RAPGEF4: variants seen among roughly 807,000 people sequenced by gnomAD.
RAPGEF4 encodes the protein Rap guanine nucleotide exchange factor 4, also known as RAP guanine-nucleotide-exchange factor (GEF) 4.
Under a neutral mutation model 147.9 loss-of-function variants are expected in RAPGEF4, and 66 were observed. The observed-to-expected ratio is 0.45, with a 90% CI of 0.37 to 0.55. The LOEUF (loss-of-function observed/expected upper bound fraction) is 0.55. Ranked by LOEUF, RAPGEF4 falls within the 20% of genes least tolerant of loss-of-function variation. The probability of loss-of-function intolerance (pLI) is 0.00; values close to 1 mark genes in which losing one functional copy is unlikely to be tolerated. For missense variants in RAPGEF4, 1,071 were observed against 1,257.3 expected (o/e 0.85, Z 2.24); for synonymous variants, 419 against 442.7 (o/e 0.95, Z 0.67).
chr2:172,990,111 T>G (rs1415924112), intron 14 of RAPGEF4, among the ~76,000 whole-genome samples: 1 of 152,092 alleles, frequency 6.6e-6, no homozygotes, highest in Admixed American at 6.5e-5. Context: ...TTGGTTCTTA[T>G]CTGACCTCTT....
chr2:172,739,734 C>T (rs1411910287), intron 1 of RAPGEF4, among the ~76,000 whole-genome samples: 1 of 152,218 alleles, frequency 6.6e-6, no homozygotes, highest in African/African-American at 2.4e-5. Context: ...CTGTGAACTT[C>T]AGATCCACTT....
chr2:172,871,663 G>A (rs996892820), intron 4 of RAPGEF4, among the ~76,000 whole-genome samples: 14 of 139,956 alleles, frequency 1.0e-4, no homozygotes, highest in Non-Finnish European at 1.7e-4. Context: ...AATTCTAAAA[G>A]AGTTACAACA....
chr2:172,823,153 T>C (rs1689266270), intron 4 of RAPGEF4, among the ~76,000 whole-genome samples: 1 of 152,184 alleles, frequency 6.6e-6, no homozygotes, highest in African/African-American at 2.4e-5. Flanking sequence ...GAGATCTGCT[T>C]CTGAATTCTT....
At chr2:172,962,051 A>G (rs1689351841) in intron 8 of RAPGEF4, among the ~76,000 whole-genome samples, 1 of 152,220 alleles carries the variant, frequency 6.6e-6, no homozygotes, top group Non-Finnish European at 1.5e-5. Flanking sequence ...ACCTTCTGGG[A>G]TGACTGAACC....
rs546926310 is a variant in RAPGEF4 at position 172,861,699 on chromosome 2, A to AT, written c.444+47278dup. ...TAATTGTTGATAGAGCAGGCATGTG[A>AT]TTTTCTATAAATACACATGAGCATT... is the stretch of plus-strand genomic sequence containing the variant. On this transcript the variant is annotated intron_variant, in intron 4 of 30. Coordinates refer to ENST00000397081, the MANE Select transcript of RAPGEF4 (RefSeq NM_007023.4). Among the ~76,000 whole-genome samples the AT allele has an allele frequency of 3.9e-5, 6 of 152,306 alleles. No individual in the cohort carries two copies. The South Asian group carries it at 1.2e-3, about 32-fold the overall frequency.
At chr2:172,928,198 T>G in intron 6 of RAPGEF4, 1 of 455,698 alleles carries the variant, frequency 2.2e-6, no homozygotes. Context: ...CTCTCCAGTC[T>G]CTGAGGAAAT....
chr2:172,754,859 G>A (rs889453337), intron 1 of RAPGEF4, among the ~76,000 whole-genome samples: 3 of 152,228 alleles, frequency 2.0e-5, no homozygotes, highest in South Asian at 2.1e-4. Context: ...TGGCTAACAC[G>A]GTGAAACCCC....
At chr2:173,049,474 T>C (rs1685930070) in intron 30 of RAPGEF4, among the ~76,000 whole-genome samples, 1 of 152,202 alleles carries the variant, frequency 6.6e-6, no homozygotes, top group South Asian at 2.1e-4. Context: ...CTCAATATGA[T>C]ACTATGACAT....
At chr2:172,824,180 G>T (rs751492371) in intron 4 of RAPGEF4, among the ~76,000 whole-genome samples, 1 of 152,226 alleles carries the variant, frequency 6.6e-6, no homozygotes, top group East Asian at 1.9e-4. Flanking sequence ...ATCATTTGTA[G>T]TTGTAGTTCT....
chr2:172,903,140 G>A (rs1699246916), intron 4 of RAPGEF4, among the ~76,000 whole-genome samples: 1 of 152,036 alleles, frequency 6.6e-6, no homozygotes, highest in South Asian at 2.1e-4. Flanking sequence ...AGGCCAAGAT[G>A]GGTGGATCAC....
At chr2:172,984,807 G>T (rs1264785487) in intron 11 of RAPGEF4, among the ~76,000 whole-genome samples, 1 of 152,116 alleles carries the variant, frequency 6.6e-6, no homozygotes, top group Admixed American at 6.5e-5. Flanking sequence ...GAGGATTGTG[G>T]GTAGTCTCGT....
intron 6 of RAPGEF4, among the ~76,000 whole-genome samples, chr2:172,935,823 C>T (rs1363120623): frequency 6.6e-6 from 1 of 152,194 alleles, no homozygotes; most frequent in Non-Finnish European, 1.5e-5. Context: ...GATGCTCCAA[C>T]AGTACATGAC....
chr2:173,020,748 G>A (rs1696009578), intron 23 of RAPGEF4, 33 bp downstream of exon 23: 1 of 1,551,884 alleles, frequency 6.4e-7, no homozygotes, highest in Non-Finnish European at 8.8e-7. Flanking sequence ...GAGCAGCATT[G>A]CAATCAGAAA....
At chr2:172,988,387 AG>A in intron 13 of RAPGEF4, 115 bp downstream of exon 13, 1 of 1,448,670 alleles carries the variant, frequency 6.9e-7, no homozygotes, top group Non-Finnish European at 9.1e-7. Context: ...TCCTAGATGT[AG>A]AAAAGACATT....
intron 10 of RAPGEF4, among the ~76,000 whole-genome samples, chr2:172,978,120 C>T (rs998157221): frequency 1.1e-4 from 16 of 152,296 alleles, no homozygotes; most frequent in African/African-American, 3.9e-4. Context: ...TCTTTCTCTG[C>T]GTGGGTTGTT....
intron 6 of RAPGEF4, among the ~76,000 whole-genome samples, chr2:172,946,612 C>G (rs1035542980): frequency 2.0e-5 from 3 of 152,198 alleles, no homozygotes; most frequent in Admixed American, 2.0e-4. Flanking sequence ...TCCATCTGCT[C>G]TCTCACTATC....
At chr2:172,874,960 C>T (rs1695716298) in intron 4 of RAPGEF4, among the ~76,000 whole-genome samples, 1 of 152,238 alleles carries the variant, frequency 6.6e-6, no homozygotes, top group African/African-American at 2.4e-5. Flanking sequence ...GAGATGGTAT[C>T]TCATTGCAGT....
Position 173,001,035 on chromosome 2 carries a change from G to A in RAPGEF4, c.1580-231G>A, listed in dbSNP as rs544706024. 2.6e-5 allele frequency among the ~76,000 whole-genome samples: 4 copies of A among 152,116 alleles called. No homozygotes were observed. In the South Asian group the frequency reaches 8.3e-4, roughly 32 times the overall value. On this transcript the variant is annotated intron_variant, in intron 16 of 30. Transcript: ENST00000397081. Reference sequence around the variant, plus strand: ...AGGTACCCAGTGCCGTTTGTACAAGGCTGTCTCTCTTTAAAATATTATACT... The same window carrying A: ...AGGTACCCAGTGCCGTTTGTACAAGACTGTCTCTCTTTAAAATATTATACT...
chr2:172,753,705 T>C (rs1342225050), intron 1 of RAPGEF4, among the ~76,000 whole-genome samples: 4 of 149,284 alleles, frequency 2.7e-5, no homozygotes, highest in Non-Finnish European at 6.0e-5. Context: ...AAAGGAAAAC[T>C]TTTTTTTTTA....
Sources: allele counts gnomAD v4.1 joint callset (sites outside exome capture counted in the v4.1 genomes callset), GRCh38; gene constraint gnomAD v4.1.1; transcripts MANE v1.5; gene names NCBI Gene and HGNC (gene_info 2026-07-23, HGNC 2026-07-21).